MFSD2B: variants seen among roughly 807,000 people sequenced by gnomAD.
MFSD2B encodes sphingosine-1-phosphate transporter MFSD2B.
In MFSD2B, 56 loss-of-function variants were observed where a neutral mutation model predicts 58.4. That is an observed-to-expected ratio of 0.96 (90% CI 0.77 to 1.20). MFSD2B has a LOEUF of 1.20. Among genes scored for constraint, MFSD2B ranks in the 50% most tolerant of loss-of-function variants. MFSD2B has a pLI of 0.00. For synonymous variants in MFSD2B, 287 were observed against 294.4 expected (o/e 0.97, Z 0.26); for missense variants, 645 against 667.6 (o/e 0.97, Z 0.37).
chr2:24,024,874 C>A lies in MFSD2B; in HGVS notation c.1491-558C>A, dbSNP rs1163469305. ...TGACCTGGTCCTTCCCCTACCAGAA[C>A]ACCGACCCCACTGACGGGGAGGATC... On this transcript the variant is annotated intron_variant, in intron 13 of 13. Coordinates refer to ENST00000338315, the MANE Select transcript of MFSD2B (RefSeq NM_001346880.2). This position sits in a 1 kb window ranked among gnomAD's most constrained non-coding sequence, Gnocchi z 4.3. Among the ~76,000 whole-genome samples the A allele has an allele frequency of 6.6e-6, 1 of 152,188 alleles. No homozygotes were observed. Among genetic ancestry groups the A allele is most frequent in the Non-Finnish European group, 1.5e-5 (1 of 68,042 alleles).
rs1376245020 is a variant in MFSD2B, at chr2:24,022,396, T to C, written c.895-37T>C. The C allele has an allele frequency of 9.0e-6, 14 of 1,553,804 alleles. No individual in the cohort carries two copies. Among genetic ancestry groups the C allele is most frequent in the Admixed American group, 3.5e-5 (2 of 57,850 alleles). On this transcript the variant is annotated intron_variant, in intron 8 of 13. Coordinates refer to ENST00000338315, the MANE Select transcript of MFSD2B (RefSeq NM_001346880.2). The surrounding 1 kb of genome is among the most constrained non-coding windows in gnomAD (Gnocchi z 4.5). The stretch of plus-strand genomic sequence containing the variant: ...GCCCTTGACTTCTGAGCTCCTGCCA[T>C]GCCCTGCACATACCCACTTCCTGTC...
rs1709189948 is a variant in MFSD2B, at chr2:24,017,342, G to T, written c.528G>T (p.Glu176Asp). ...LTMLLTPCPR[E>D]RDSATAYRMT... ...TGCTGCTGACTCCCTGCCCAAGGGA[G>T]CGGGACTCGGCCACCGCCTACCGTG... Residue 176 changes from glutamate to aspartate, a missense_variant, in exon 5 of 14, where the codon GAG (glutamate) becomes GAT (aspartate). Physicochemically the swap from Glu to Asp is conservative, Grantham distance 45. Transcript: ENST00000338315. This position sits in a 1 kb window ranked among gnomAD's most constrained non-coding sequence, Gnocchi z 4.8. The T allele has an allele frequency of 1.2e-6, 2 of 1,605,954 alleles. No individual in the cohort carries two copies. Among genetic ancestry groups the T allele is most frequent in the Non-Finnish European group, 1.7e-6 (2 of 1,176,854 alleles).
rs1210288240 is a variant in MFSD2B at position 24,010,168 on chromosome 2, G to C, written c.72G>C (p.Pro24=). 3.0e-5 allele frequency: 44 copies of C among 1,446,498 alleles called. No individual in the cohort carries two copies. The highest frequency in any genetic ancestry group is 3.9e-5 in the Non-Finnish European group (43 of 1,104,244). The allele number at this position is 1,446,498 out of a possible 1,614,324, so 89.6% of individuals were successfully genotyped here. A position where few individuals can be genotyped will look rare whatever the true frequency, so the allele number is the denominator to read the frequency against. The part of the protein sequence containing the change: ...QPEPHAPEPG[P]GSAKRGREDS... Reference sequence around the variant, plus strand: ...AGCCGCACGCCCCAGAGCCCGGCCCGGGGAGCGCCAAGCGAGGGCGAGAGG... The same window carrying C: ...AGCCGCACGCCCCAGAGCCCGGCCCCGGGAGCGCCAAGCGAGGGCGAGAGG... The change falls in exon 1 of 14, where the codon CCG becomes CCC. Residue 24 remains proline (P), a synonymous_variant. Coordinates refer to ENST00000338315, the MANE Select transcript of MFSD2B (RefSeq NM_001346880.2).
In MFSD2B at chr2:24,017,709, C is replaced by T. The variant is rs1392025328; in HGVS notation, c.681+121C>T. The T allele has an allele frequency of 9.5e-7, 1 of 1,051,466 alleles. No homozygotes were observed. Among genetic ancestry groups the T allele is most frequent in the East Asian group, 2.6e-5 (1 of 37,768 alleles). 65.1% of individuals were successfully genotyped at this position (1,051,466 alleles called of 1,614,324 possible). A position where few individuals can be genotyped will look rare whatever the true frequency, so the allele number is the denominator to read the frequency against. On this transcript the variant is annotated intron_variant, in intron 6 of 13. Coordinates refer to ENST00000338315, the MANE Select transcript of MFSD2B (RefSeq NM_001346880.2). This position sits in a 1 kb window ranked among gnomAD's most constrained non-coding sequence, Gnocchi z 4.8. ...GTTGTCTTTTAGGGGGCTCACTGTGCCCCCTCATTCCTTCCCTGCTCCTCC... is the reference window on the plus strand; with the variant it reads ...GTTGTCTTTTAGGGGGCTCACTGTGTCCCCTCATTCCTTCCCTGCTCCTCC...
At position 24,024,768 on chromosome 2, in the gene MFSD2B, G is replaced by A. The variant is rs1340136318; in HGVS notation, c.1490+497G>A. Among the ~76,000 whole-genome samples, 1 of 152,076 alleles carries A rather than the reference G, an allele frequency of 6.6e-6. No individual in the cohort carries two copies. The highest frequency in any genetic ancestry group is 1.5e-5 in the Non-Finnish European group (1 of 68,024). On this transcript the variant is annotated intron_variant, in intron 13 of 13. Coordinates refer to ENST00000338315, the MANE Select transcript of MFSD2B (RefSeq NM_001346880.2). The surrounding 1 kb of genome is among the most constrained non-coding windows in gnomAD (Gnocchi z 4.3). Reference sequence around the variant, plus strand: ...CCTCCTTCTGTGTCCCTGTCTTGGTGAATGACACCATCGTTCCCTCTGGGT... The same window carrying A: ...CCTCCTTCTGTGTCCCTGTCTTGGTAAATGACACCATCGTTCCCTCTGGGT...
In MFSD2B at chr2:24,024,156, G is replaced by T. The variant is rs1662899679; in HGVS notation, c.1375G>T (p.Val459Phe). ...AGAGGAGGTGGTGGTCACCCTCAAAGTCCTCATTGGCGCCGTGCCCACCTG... is the reference window on the plus strand; with the variant it reads ...AGAGGAGGTGGTGGTCACCCTCAAATTCCTCATTGGCGCCGTGCCCACCTG... The part of the protein sequence containing the change: ...QAEEVVVTLK[V>F]LIGAVPTCMI... The change falls in exon 13 of 14, where the codon GTC becomes TTC. Residue 459 changes from valine to phenylalanine, a missense_variant. Coordinates refer to ENST00000338315, the MANE Select transcript of MFSD2B (RefSeq NM_001346880.2). The surrounding 1 kb of genome is among the most constrained non-coding windows in gnomAD (Gnocchi z 4.3). 6.2e-7 allele frequency: 1 copy of T among 1,613,948 alleles called. No individual in the cohort carries two copies. The highest frequency in any genetic ancestry group is 8.5e-7 in the Non-Finnish European group (1 of 1,179,850).
At chr2:24,018,293 C>T (rs557387145) in intron 6 of MFSD2B, 5 of 169,768 alleles carry the variant, frequency 2.9e-5, no homozygotes, top group African/African-American at 4.8e-5. Context: ...TGCCCCGGCC[C>T]GTGCCACTAC....
In MFSD2B at chr2:24,010,191, A is replaced by ACTCG. The variant is rs770719618; in HGVS notation, c.95_96insCTCG (p.Glu32AspfsTer41). 2.1e-6 allele frequency: 3 copies of ACTCG among 1,410,236 alleles called. No individual in the cohort carries two copies. The South Asian group carries it at 4.5e-5, about 21-fold the overall frequency. 87.4% of individuals were successfully genotyped at this position (1,410,236 alleles called of 1,614,324 possible). ...CCGGGGAGCGCCAAGCGAGGGCGAG[A>ACTCG]GGTGAGCGGGGCGGCGGGGACCGGG... is the stretch of plus-strand genomic sequence containing the variant. On this transcript the variant is annotated frameshift_variant and splice_region_variant, in exon 1 of 14. Transcript: ENST00000338315. LOFTEE classifies it high-confidence loss of function.
Position 24,024,195 on chromosome 2 carries a change from GGGCTCTGCATCCTCATGGTC to G in MFSD2B, c.1420_1439del (p.Cys474HisfsTer60), listed in dbSNP as rs1473659418. ...CGTGCCCACCTGCATGATCCTTGCT[GGGCTCTGCATCCTCATGGTC>G]GGCTCCACTCCAAAGACACCCAGTC... On this transcript the variant is annotated frameshift_variant, in exon 13 of 14. Coordinates refer to ENST00000338315, the MANE Select transcript of MFSD2B (RefSeq NM_001346880.2). LOFTEE classifies it high-confidence loss of function. This position sits in a 1 kb window ranked among gnomAD's most constrained non-coding sequence, Gnocchi z 4.3. 1.1e-5 allele frequency: 18 copies of G among 1,613,748 alleles called. No individual in the cohort carries two copies. Among genetic ancestry groups the G allele is most frequent in the Non-Finnish European group, 1.5e-5 (18 of 1,179,798 alleles).
chr2:24,016,903 C>T lies in MFSD2B; in HGVS notation c.406C>T (p.Pro136Ser), dbSNP rs553329794. 3.1e-6 allele frequency: 5 copies of T among 1,613,900 alleles called. No individual in the cohort carries two copies. The South Asian group carries it at 4.4e-5, about 14-fold the overall frequency. Residue 136 changes from proline to serine, a missense_variant, in exon 4 of 14, where the codon CCC (proline) becomes TCC (serine). By Grantham distance (74) the Pro-to-Ser change is moderately conservative. Coordinates refer to ENST00000338315, the MANE Select transcript of MFSD2B (RefSeq NM_001346880.2). ...LAYFFLWFLP[P>S]FTSLRGLWYT... The stretch of plus-strand genomic sequence containing the variant: ...CTACTTCTTCCTGTGGTTCCTGCCC[C>T]CCTTCACCAGCCTGCGAGGCCTCTG...
chr2:24,010,965 C>T (rs773205488), intron 1 of MFSD2B, among the ~76,000 whole-genome samples: 2 of 152,172 alleles, frequency 1.3e-5, no homozygotes, highest in Non-Finnish European at 2.9e-5. Flanking sequence ...CTCTCACTTC[C>T]CAGGGAAACT....
rs1709176099 is a variant in MFSD2B at position 24,017,083 on chromosome 2, G to A, written c.471+115G>A. 6.7e-7 allele frequency: 1 copy of A among 1,490,578 alleles called. No individual in the cohort carries two copies. Among genetic ancestry groups the A allele is most frequent in the Non-Finnish European group, 9.1e-7 (1 of 1,096,128 alleles). The allele number at this position is 1,490,578 out of a possible 1,614,324, so 92.3% of individuals were successfully genotyped here. The stretch of plus-strand genomic sequence containing the variant: ...CGCCCTCCCCACCCGCCTGTGCCTG[G>A]ACCATGCCATTGGCACTCGCCAGCC... On this transcript the variant is annotated intron_variant, in intron 4 of 13. Transcript: ENST00000338315. The surrounding 1 kb of genome is among the most constrained non-coding windows in gnomAD (Gnocchi z 4.8).
At position 24,021,584 on chromosome 2, in the gene MFSD2B, C is replaced by T; in HGVS notation, c.682-64C>T. The T allele has an allele frequency of 6.8e-7, 1 of 1,474,692 alleles. No individual in the cohort carries two copies. Among genetic ancestry groups the T allele is most frequent in the Non-Finnish European group, 9.3e-7 (1 of 1,072,674 alleles). The allele number at this position is 1,474,692 out of a possible 1,614,324, so 91.4% of individuals were successfully genotyped here. ...ACTGGGAGGCAGTACTGCCCTGCCC[C>T]TCCGGTGTCACCACCTCCAGGGGTT... On this transcript the variant is annotated intron_variant, in intron 6 of 13. Coordinates refer to ENST00000338315, the MANE Select transcript of MFSD2B (RefSeq NM_001346880.2). This position sits in a 1 kb window ranked among gnomAD's most constrained non-coding sequence, Gnocchi z 5.7.
At chr2:24,013,157 G>T in intron 1 of MFSD2B, 128 bp from the exon 2 acceptor site, 1 of 910,096 alleles carries the variant, frequency 1.1e-6, no homozygotes, top group South Asian at 3.9e-5. Flanking sequence ...GGGCAAAATG[G>T]GGCTGAGAGG....
rs749200190 is a variant in MFSD2B at position 24,016,900 on chromosome 2, C to T, written c.403C>T (p.Pro135Ser). ...ALAYFFLWFL[P>S]PFTSLRGLWY... ...GGCCTACTTCTTCCTGTGGTTCCTGCCCCCCTTCACCAGCCTGCGAGGCCT... is the reference window on the plus strand; with the variant it reads ...GGCCTACTTCTTCCTGTGGTTCCTGTCCCCCTTCACCAGCCTGCGAGGCCT... The change falls in exon 4 of 14, where the codon CCC (proline) becomes TCC (serine). Residue 135 changes from proline (P) to serine (S), a missense_variant. Transcript: ENST00000338315. The T allele has an allele frequency of 3.7e-6, 6 of 1,613,818 alleles. No individual in the cohort carries two copies. The highest frequency in any genetic ancestry group is 1.3e-5 in the African/African-American group (1 of 75,048).
chr2:24,021,742 TGGGGTTTGGTGAG>T lies in MFSD2B; in HGVS notation c.772+6_772+18del. On this transcript the variant is annotated splice_donor_5th_base_variant and intron_variant, in intron 7 of 13. Coordinates refer to ENST00000338315, the MANE Select transcript of MFSD2B (RefSeq NM_001346880.2). This position sits in a 1 kb window ranked among gnomAD's most constrained non-coding sequence, Gnocchi z 5.7. ...CTAGGGGTGAAGGAGCGGCCAGGTA[TGGGGTTTGGTGAG>T]GAGGGAAGCAGAAGCTGGGGGCAGG... 1 of 1,613,218 alleles carries T rather than the reference TGGGGTTTGGTGAG, an allele frequency of 6.2e-7. No homozygotes were observed. The highest frequency in any genetic ancestry group is 1.1e-5 in the South Asian group (1 of 90,900).
Position 24,017,971 on chromosome 2 carries a change from T to A in MFSD2B, c.681+383T>A, listed in dbSNP as rs1176178505. 6.6e-6 allele frequency among the ~76,000 whole-genome samples: 1 copy of A among 151,448 alleles called. No homozygotes were observed. Among genetic ancestry groups the A allele is most frequent in the Non-Finnish European group, 1.5e-5 (1 of 67,822 alleles). ...AGCCCTTCCTATGACCCATGCCCCC[T>A]CCCCCAGCCCTGACCAGGTGAGCCC... is the stretch of plus-strand genomic sequence containing the variant. On this transcript the variant is annotated intron_variant, in intron 6 of 13. Transcript: ENST00000338315. This position sits in a 1 kb window ranked among gnomAD's most constrained non-coding sequence, Gnocchi z 4.8.
chr2:24,016,560 C>A (rs776575092), intron 3 of MFSD2B, among the ~76,000 whole-genome samples: 1 of 152,170 alleles, frequency 6.6e-6, no homozygotes, highest in Non-Finnish European at 1.5e-5. Context: ...GAAGGCCATG[C>A]GAGGCCTCAC....
chr2:24,024,022 G>T lies in MFSD2B; in HGVS notation c.1314-73G>T. 1.4e-6 allele frequency: 2 copies of T among 1,466,134 alleles called. No homozygotes were observed. The highest frequency in any genetic ancestry group is 1.9e-6 in the Non-Finnish European group (2 of 1,063,654). 90.8% of individuals were successfully genotyped at this position (1,466,134 alleles called of 1,614,324 possible). ...TTCAGGAGGGGGTGGGGTGGGGTGA[G>T]GTGTCGAGTCCCTCCACCCAGGGTG... is the stretch of plus-strand genomic sequence containing the variant. On this transcript the variant is annotated intron_variant, in intron 12 of 13. Transcript: ENST00000338315. The surrounding 1 kb of genome is among the most constrained non-coding windows in gnomAD (Gnocchi z 4.3).
Sources: allele counts gnomAD v4.1 joint callset (sites outside exome capture counted in the v4.1 genomes callset), GRCh38; gene constraint gnomAD v4.1.1; non-coding constraint Gnocchi (gnomAD v3.1); transcripts MANE v1.5; gene names NCBI Gene and HGNC (gene_info 2026-07-23, HGNC 2026-07-21).